Variants in ARFGAP3 observed in about 807,000 individuals in gnomAD.
The protein encoded by ARFGAP3 is ARF GTPase activating protein 3.
ARFGAP3 carries 72 observed loss-of-function variants against 75.0 expected under a neutral mutation model. The observed-to-expected ratio is 0.96, with a 90% CI of 0.79 to 1.17. The LOEUF is 1.17. Ranked by LOEUF, ARFGAP3 falls within the 50% of genes most tolerant of loss-of-function variation. The probability of loss-of-function intolerance (pLI) is 0.00; values close to 1 mark genes in which losing one functional copy is unlikely to be tolerated. For synonymous variants in ARFGAP3, 221 were observed against 217.9 expected (o/e 1.01, Z -0.13); for missense variants, 620 against 626.6 (o/e 0.99, Z 0.11).
At chr22:42,819,353 G>A (rs1300626977) in intron 9 of ARFGAP3, among the ~76,000 whole-genome samples, 2 of 152,226 alleles carry the variant, frequency 1.3e-5, no homozygotes, top group Admixed American at 6.5e-5. Flanking sequence ...TGGAGAAGAT[G>A]CATGGGGATG....
chr22:42,800,091 C>T (rs1325802936), intron 14 of ARFGAP3, among the ~76,000 whole-genome samples: 1 of 152,212 alleles, frequency 6.6e-6, no homozygotes, highest in Non-Finnish European at 1.5e-5. Context: ...CTAGAGCTGA[C>T]AATCAGGGGT....
chr22:42,823,416 A>AT (rs999699700), intron 8 of ARFGAP3, among the ~76,000 whole-genome samples: 5 of 152,006 alleles, frequency 3.3e-5, no homozygotes, highest in African/African-American at 7.2e-5. Context: ...ACCTTTGTTA[A>AT]TTTTTTTCAG....
chr22:42,828,731 G>A (rs1483374316), intron 6 of ARFGAP3, among the ~76,000 whole-genome samples: 2 of 145,472 alleles, frequency 1.4e-5, no homozygotes, highest in Non-Finnish European at 3.0e-5. Flanking sequence ...TGTTGCCCAG[G>A]CGGAGTGTAG....
rs918520446 is a variant in ARFGAP3 at position 42,797,780 on chromosome 22, G to C, written c.1534-175C>G. ...GAAGCAGCCATTGCTGCAGCTTCAA[G>C]GCTGAGGGTAGGTGTGGGCTTCAGA... is the stretch of plus-strand genomic sequence containing the variant. On this transcript the variant is annotated intron_variant, in intron 15 of 15. Coordinates refer to ENST00000263245, the MANE Select transcript of ARFGAP3 (RefSeq NM_014570.5). 60 of 981,334 alleles carry C rather than the reference G, an allele frequency of 6.1e-5. No individual in the cohort carries two copies. The African/African-American group carries it at 1.0e-3, about 17-fold the overall frequency. 60.8% of individuals were successfully genotyped at this position (981,334 alleles called of 1,614,324 possible).
intron 14 of ARFGAP3, among the ~76,000 whole-genome samples, chr22:42,800,087 C>G (rs753127668): frequency 6.6e-6 from 1 of 152,186 alleles, no homozygotes; most frequent in African/African-American, 2.4e-5. Flanking sequence ...ACTCCTAGAG[C>G]TGACAATCAG....
chr22:42,817,215 AT>A lies in ARFGAP3; in HGVS notation c.990del (p.Glu330AspfsTer34). 6.2e-7 allele frequency: 1 copy of A among 1,613,726 alleles called. No homozygotes were observed. Among genetic ancestry groups the A allele is most frequent in the East Asian group, 2.2e-5 (1 of 44,818 alleles). On this transcript the variant is annotated frameshift_variant, in exon 11 of 16. Coordinates refer to ENST00000263245, the MANE Select transcript of ARFGAP3 (RefSeq NM_014570.5). LOFTEE classifies it high-confidence loss of function. ...TTTCTTGGTTTTGCCATAATGGGTG[AT>A]TCCTGCTCTATGGTCTGCATATCTG... is the stretch of plus-strand genomic sequence containing the variant. Reference protein sequence around the residue: ...VTSDMQTIEQESPIMAKPRKK... With the variant: ...VTSDMQTIEQXSPIMAKPRKK...
chr22:42,847,966 T>A (rs764277565), intron 1 of ARFGAP3, among the ~76,000 whole-genome samples: 77 of 150,876 alleles, frequency 5.1e-4, no homozygotes, highest in Non-Finnish European at 9.9e-4. Flanking sequence ...CCAGGTTCCA[T>A]TGATTCTCCT....
intron 6 of ARFGAP3, among the ~76,000 whole-genome samples, chr22:42,829,125 A>G (rs1926174007): frequency 6.6e-6 from 1 of 152,202 alleles, no homozygotes; most frequent in Non-Finnish European, 1.5e-5. Context: ...TCTGATTGAT[A>G]ACGGTAAATC....
chr22:42,807,307 C>CCAGG, intron 13 of ARFGAP3, 144 bp from the exon 14 acceptor site: 1 of 1,432,800 alleles, frequency 7.0e-7, no homozygotes, highest in Non-Finnish European at 9.2e-7. Flanking sequence ...ACTGCCAAGG[C>CCAGG]CAGGTCCTGC....
In ARFGAP3 at chr22:42,817,762, T is replaced by A; in HGVS notation, c.908A>T (p.Asp303Val). ...ATTTCCAAATCCCATGCCGAGTCTG[T>A]CTGAGTCAACATTTTTTTTGCCACT... The part of the protein sequence containing the change: ...NISGKKNVDS[D>V]RLGMGFGNCR... Residue 303 changes from aspartate to valine, a missense_variant, in exon 10 of 16, where the codon GAC (aspartate) becomes GTC (valine). Transcript: ENST00000263245. The A allele has an allele frequency of 6.2e-7, 1 of 1,613,452 alleles. No individual in the cohort carries two copies. Among genetic ancestry groups the A allele is most frequent in the Non-Finnish European group, 8.5e-7 (1 of 1,179,760 alleles).
At chr22:42,840,109 T>G (rs1280271636) in intron 3 of ARFGAP3, among the ~76,000 whole-genome samples, 2 of 151,402 alleles carry the variant, frequency 1.3e-5, no homozygotes, top group Non-Finnish European at 2.9e-5. Context: ...TTTTGCATTT[T>G]TTGCAGAAAC....
chr22:42,852,875 C>T (rs1381463040), intron 1 of ARFGAP3, among the ~76,000 whole-genome samples: 1 of 152,146 alleles, frequency 6.6e-6, no homozygotes, highest in African/African-American at 2.4e-5. Flanking sequence ...AGCGATTCTC[C>T]TGCCTCAGCC....
chr22:42,810,746 T>A (rs893485256), intron 12 of ARFGAP3, 67 bp downstream of exon 12: 29 of 1,405,144 alleles, frequency 2.1e-5, no homozygotes, highest in Non-Finnish European at 2.8e-5. Context: ...TGTCATCATG[T>A]TATCAGCAAT....
At chr22:42,816,962 G>A (rs1925602698) in intron 11 of ARFGAP3, among the ~76,000 whole-genome samples, 180 bp downstream of exon 11, 1 of 152,134 alleles carries the variant, frequency 6.6e-6, no homozygotes, top group Non-Finnish European at 1.5e-5. Context: ...AGCCAACGTT[G>A]TTCTTTTACA....
chr22:42,814,726 T>G (rs1569143534), intron 11 of ARFGAP3, among the ~76,000 whole-genome samples: 1 of 152,166 alleles, frequency 6.6e-6, no homozygotes, highest in Non-Finnish European at 1.5e-5. Context: ...GCAACAGTAC[T>G]GATTTAACTG....
At chr22:42,857,011 G>C in intron 1 of ARFGAP3, 103 bp downstream of exon 1, 1 of 1,239,590 alleles carries the variant, frequency 8.1e-7, no homozygotes, top group Admixed American at 4.2e-5. Context: ...GTCACAGGCC[G>C]CGCCGGCCCC....
intron 5 of ARFGAP3, among the ~76,000 whole-genome samples, chr22:42,832,900 G>A (rs1422093445): frequency 9.2e-5 from 14 of 152,094 alleles, no homozygotes; most frequent in Non-Finnish European, 1.5e-5. Context: ...CAGGAGAATC[G>A]CTTGAACCCG....
chr22:42,843,940 C>A (rs150287499), intron 2 of ARFGAP3, among the ~76,000 whole-genome samples: 2 of 152,172 alleles, frequency 1.3e-5, no homozygotes, highest in African/African-American at 4.8e-5. Context: ...TGCCTTCCCC[C>A]CTTTGCTTGG....
chr22:42,797,598 T>C lies in ARFGAP3; in HGVS notation c.1541A>G (p.Tyr514Cys), dbSNP rs1371521741. 1.9e-6 allele frequency: 3 copies of C among 1,614,100 alleles called. No individual in the cohort carries two copies. The highest frequency in any genetic ancestry group is 2.5e-6 in the Non-Finnish European group (3 of 1,179,976). The change falls in exon 16 of 16, where the codon TAC becomes TGC. Residue 514 changes from tyrosine to cysteine, a missense_variant. Coordinates refer to ENST00000263245, the MANE Select transcript of ARFGAP3 (RefSeq NM_014570.5). ...ATCATGACTTCAGTATTAAGAACCG[T>C]AGCGATCCTGAAGAGAGAACCAAAA... ...NGVVTSIQDR[Y>C]GS
Sources: gnomAD v4.1 joint callset for allele counts (sites outside exome capture counted in the v4.1 genomes callset) on GRCh38, gnomAD v4.1.1 for gene constraint, MANE v1.5 for transcripts, NCBI Gene and HGNC (gene_info 2026-07-23, HGNC 2026-07-21) for gene names.